Variants in KLHL31 observed in about 807,000 individuals in gnomAD.
The protein encoded by KLHL31 is kelch like family member 31.
A neutral mutation model predicts 47.1 loss-of-function variants in KLHL31; 32 were observed. The observed-to-expected ratio is 0.68, with a 90% CI of 0.51 to 0.91. KLHL31 has a LOEUF of 0.91. Ranked by LOEUF, KLHL31 falls within the 40% of genes least tolerant of loss-of-function variation. KLHL31 has a pLI of 0.00. For synonymous variants in KLHL31, 330 were observed against 325.1 expected, an observed-to-expected ratio of 1.01 and a Z score of -0.16; for missense variants, 797 against 819.3, an observed-to-expected ratio of 0.97 and a Z score of 0.33.
chr6:53,652,274 G>A lies in KLHL31; in HGVS notation c.1229C>T (p.Thr410Met). The change falls in exon 3 of 3, where the codon ACG becomes ATG. Residue 410 changes from threonine to methionine, a missense_variant. Physicochemically the swap from Thr to Met is moderately conservative, Grantham distance 81 (BLOSUM62 -1). Coordinates refer to ENST00000370905, the MANE Select transcript of KLHL31 (RefSeq NM_001003760.5). ...IHLASMNQKR[T>M]HFSLSVFNGL... ...GTTGAACACGCTCAGGCTGAAGTGCGTGCGCTTCTGGTTCATGCTGGCCAG... is the reference window on the plus strand; with the variant it reads ...GTTGAACACGCTCAGGCTGAAGTGCATGCGCTTCTGGTTCATGCTGGCCAG... The A allele has an allele frequency of 1.2e-6, 2 of 1,614,178 alleles. No individual in the cohort carries two copies. Among genetic ancestry groups the A allele is most frequent in the Non-Finnish European group, 1.7e-6 (2 of 1,180,052 alleles).
In KLHL31 at chr6:53,651,398, C is replaced by CAAAAAAAAAAAA. The variant is rs1764461363; in HGVS notation, c.*199_*200insTTTTTTTTTTTT. On this transcript the variant is annotated 3_prime_UTR_variant, in exon 3 of 3. Coordinates refer to ENST00000370905, the MANE Select transcript of KLHL31 (RefSeq NM_001003760.5). The stretch of plus-strand genomic sequence containing the variant: ...TTGTTGGCCATTGCCCTGTATTTTG[C>CAAAAAAAAAAAA]TAAAAAAAAAAAAAAAAAAAAGAGG... 1 of 64,632 alleles carries CAAAAAAAAAAAA rather than the reference C, an allele frequency of 1.5e-5. No individual in the cohort carries two copies. The highest frequency in any genetic ancestry group is 2.9e-4 in the East Asian group (1 of 3,460). 4.0% of individuals were successfully genotyped at this position (64,632 alleles called of 1,614,324 possible). A position where few individuals can be genotyped will look rare whatever the true frequency, so the allele number is the denominator to read the frequency against.
chr6:53,660,887 A>T (rs2209637), intron 1 of KLHL31, among the ~76,000 whole-genome samples: 151,144 of 152,342 alleles, frequency 0.99, 74,992 homozygotes, highest in Middle Eastern at 1. Flanking sequence ...TTCCTATGTA[A>T]ACTCATAAAT....
At position 53,649,504 on chromosome 6, in the gene KLHL31, C is replaced by G. The variant is rs2127366812; in HGVS notation, c.*2094G>C. On this transcript the variant is annotated 3_prime_UTR_variant, in exon 3 of 3. Coordinates refer to ENST00000370905, the MANE Select transcript of KLHL31 (RefSeq NM_001003760.5). ...AGAAAGCCACTGCCAAGTTTTTGCA[C>G]AACCTAATTTATCAAGCTTTGATAG... 1 of 152,260 alleles carries G rather than the reference C, an allele frequency of 6.6e-6. No homozygotes were observed. The highest frequency in any genetic ancestry group is 1.9e-4 in the East Asian group (1 of 5,186). The allele number at this position is 152,260 out of a possible 1,614,324, so 9.4% of individuals were successfully genotyped here.
chr6:53,653,322 A>G (rs974102298), intron 2 of KLHL31, among the ~76,000 whole-genome samples: 9 of 152,250 alleles, frequency 5.9e-5, no homozygotes, highest in African/African-American at 1.4e-4. Flanking sequence ...ATACACACAT[A>G]ATGGAATAAT....
intron 1 of KLHL31, among the ~76,000 whole-genome samples, chr6:53,662,705 A>C (rs952227671): frequency 3.0e-4 from 46 of 152,296 alleles, no homozygotes; most frequent in African/African-American, 9.9e-4. Flanking sequence ...TCCCCTCCCC[A>C]TGCCTACTGC....
chr6:53,651,765 ACTT>A lies in KLHL31; in HGVS notation c.1735_1737del (p.Lys579del), dbSNP rs751188513. On this transcript the variant is annotated inframe_deletion, in exon 3 of 3. Coordinates refer to ENST00000370905, the MANE Select transcript of KLHL31 (RefSeq NM_001003760.5). ...CTGAAGCACTGGATGCACTTCTTGTACTTCTTCTCGCCCTCGTTCCAGCCCCCC... is the reference window on the plus strand; with the variant it reads ...CTGAAGCACTGGATGCACTTCTTGTACTTCTCGCCCTCGTTCCAGCCCCCC... 47 of 1,613,834 alleles carry A rather than the reference ACTT, an allele frequency of 2.9e-5. No individual in the cohort carries two copies. The highest frequency in any genetic ancestry group is 3.6e-5 in the Non-Finnish European group (42 of 1,180,024).
intron 1 of KLHL31, 27 bp from the exon 2 acceptor site, chr6:53,655,332 T>A (rs1764545406): frequency 1.5e-5 from 18 of 1,217,942 alleles, no homozygotes; most frequent in Non-Finnish European, 1.9e-5. Flanking sequence ...AAAAACATGG[T>A]TTTGTTTTAA....
Position 53,652,203 on chromosome 6 carries a change from C to T in KLHL31, c.1300G>A (p.Ala434Thr). 5 of 1,612,894 alleles carry T rather than the reference C, an allele frequency of 3.1e-6. No homozygotes were observed. The highest frequency in any genetic ancestry group is 4.2e-6 in the Non-Finnish European group (5 of 1,180,026). ...GAGGGCACGTAGCACTCCAGCGAGG[C>T]CAGGCTTCCTTCTGCGTTGCGGCCG... ...AGGRNAEGSL[A>T]SLECYVPSTN... The change falls in exon 3 of 3, where the codon GCC becomes ACC. Residue 434 changes from alanine (A) to threonine (T), a missense_variant. Ala to Thr is a moderately conservative substitution (Grantham distance 58). Transcript: ENST00000370905.
Position 53,654,639 on chromosome 6 carries a change from T to A in KLHL31, c.634A>T (p.Thr212Ser), listed in dbSNP as rs769015160. The change falls in exon 2 of 3, where the codon ACA becomes TCA. Residue 212 changes from threonine (T) to serine (S), a missense_variant. By Grantham distance (58) the Thr-to-Ser change is moderately conservative. Coordinates refer to ENST00000370905, the MANE Select transcript of KLHL31 (RefSeq NM_001003760.5). ...FAESDQFMKL[T>S]FEQINELLID... The stretch of plus-strand genomic sequence containing the variant: ...AGAAGTTCATTAATTTGTTCAAATG[T>A]AAGTTTCATAAACTGATCCGATTCT... 1 of 1,614,186 alleles carries A rather than the reference T, an allele frequency of 6.2e-7. No individual in the cohort carries two copies. Among genetic ancestry groups the A allele is most frequent in the Non-Finnish European group, 8.5e-7 (1 of 1,180,008 alleles).
rs1342284551 is a variant in KLHL31, at chr6:53,650,523, T to A, written c.*1075A>T. ...ATTTATCAACAGGAGAACCCATTCA[T>A]CCAGTTACTACCAAATCTACAAATT... On this transcript the variant is annotated 3_prime_UTR_variant, in exon 3 of 3. Coordinates refer to ENST00000370905, the MANE Select transcript of KLHL31 (RefSeq NM_001003760.5). The A allele has an allele frequency of 6.6e-6, 1 of 152,256 alleles. No individual in the cohort carries two copies. The highest frequency in any genetic ancestry group is 1.5e-5 in the Non-Finnish European group (1 of 68,046). 9.4% of individuals were successfully genotyped at this position (152,256 alleles called of 1,614,324 possible).
chr6:53,654,766 A>G lies in KLHL31; in HGVS notation c.507T>C (p.Val169=), dbSNP rs775228580. The part of the protein sequence containing the change: ...CSDFLIREMS[V]ENCMYVVNIA... ...TATTAACAACATACATGCAATTCTCAACACTCATCTCCCGTATCAGAAAAT... is the reference window on the plus strand; with the variant it reads ...TATTAACAACATACATGCAATTCTCGACACTCATCTCCCGTATCAGAAAAT... The change falls in exon 2 of 3, where the codon GTT becomes GTC. Residue 169 remains valine, a synonymous_variant. Coordinates refer to ENST00000370905, the MANE Select transcript of KLHL31 (RefSeq NM_001003760.5). 6.2e-7 allele frequency: 1 copy of G among 1,614,130 alleles called. No homozygotes were observed. Among genetic ancestry groups the G allele is most frequent in the South Asian group, 1.1e-5 (1 of 91,078 alleles).
At chr6:53,655,347 G>T in intron 1 of KLHL31, 42 bp from the exon 2 acceptor site, 1 of 1,031,258 alleles carries the variant, frequency 9.7e-7, no homozygotes, top group East Asian at 2.6e-5. Context: ...TTTTAATTGT[G>T]CTTTAGACTT....
Position 53,654,769 on chromosome 6 carries a change from A to G in KLHL31, c.504T>C (p.Ser168=). 6.2e-7 allele frequency: 1 copy of G among 1,614,022 alleles called. No homozygotes were observed. The highest frequency in any genetic ancestry group is 1.3e-5 in the African/African-American group (1 of 74,984). Residue 168 remains serine, a synonymous_variant, in exon 2 of 3, where the codon AGT becomes AGC. Coordinates refer to ENST00000370905, the MANE Select transcript of KLHL31 (RefSeq NM_001003760.5). ...TAACAACATACATGCAATTCTCAAC[A>G]CTCATCTCCCGTATCAGAAAATCAC... is the stretch of plus-strand genomic sequence containing the variant. ...MCSDFLIREM[S]VENCMYVVNI...
chr6:53,653,416 T>C (rs1050588465), intron 2 of KLHL31, among the ~76,000 whole-genome samples: 2 of 152,238 alleles, frequency 1.3e-5, no homozygotes, highest in Non-Finnish European at 2.9e-5. Flanking sequence ...TACCATGATA[T>C]AAGCATGATT....
rs904371789 is a variant in KLHL31 at position 53,651,587 on chromosome 6, T to C, written c.*11A>G. The C allele has an allele frequency of 2.5e-6, 4 of 1,602,056 alleles. No individual in the cohort carries two copies. The South Asian group carries it at 3.3e-5, about 13-fold the overall frequency. On this transcript the variant is annotated 3_prime_UTR_variant, in exon 3 of 3. Coordinates refer to ENST00000370905, the MANE Select transcript of KLHL31 (RefSeq NM_001003760.5). ...AACGTGTTCTTCCTGCGTCCCTGCATCTACCTGGGCTCAGATACTGACTGG... is the reference window on the plus strand; with the variant it reads ...AACGTGTTCTTCCTGCGTCCCTGCACCTACCTGGGCTCAGATACTGACTGG...
At position 53,652,135 on chromosome 6, in the gene KLHL31, G is replaced by A. The variant is rs921893287; in HGVS notation, c.1368C>T (p.Arg456=). ...WQPKTPLEVA[R]CCHASAVADG... is the part of the protein sequence containing the mutation. ...CGGCGACCGCGCTAGCGTGGCAGCA[G>A]CGCGCCACCTCCAGGGGCGTCTTCG... is the stretch of plus-strand genomic sequence containing the variant. Residue 456 remains arginine (R), a synonymous_variant, in exon 3 of 3, where the codon CGC becomes CGT. Coordinates refer to ENST00000370905, the MANE Select transcript of KLHL31 (RefSeq NM_001003760.5). The A allele has an allele frequency of 6.2e-7, 1 of 1,602,568 alleles. No individual in the cohort carries two copies. The highest frequency in any genetic ancestry group is 8.5e-7 in the Non-Finnish European group (1 of 1,178,388).
rs1479170489 is a variant in KLHL31 at position 53,651,865 on chromosome 6, G to C, written c.1638C>G (p.Ser546Arg). 1.2e-6 allele frequency: 2 copies of C among 1,602,670 alleles called. No individual in the cohort carries two copies. The highest frequency in any genetic ancestry group is 1.1e-5 in the South Asian group (1 of 90,718). ...ECYSPATGQW[S>R]YAAPLQVGVS... is the part of the protein sequence containing the mutation. Reference sequence around the variant, plus strand: ...CTCCCACCTGCAGCGGCGCCGCGTAGCTCCACTGGCCGGTCGCGGGGCTGT... The same window carrying C: ...CTCCCACCTGCAGCGGCGCCGCGTACCTCCACTGGCCGGTCGCGGGGCTGT... Residue 546 changes from serine to arginine, a missense_variant, in exon 3 of 3, where the codon AGC becomes AGG. Physicochemically the swap from Ser to Arg is moderately radical, Grantham distance 110. Coordinates refer to ENST00000370905, the MANE Select transcript of KLHL31 (RefSeq NM_001003760.5).
At position 53,654,217 on chromosome 6, in the gene KLHL31, T is replaced by G; in HGVS notation, c.1056A>C (p.Pro352=). ...CCACACACTGATTAAAACTTTTGGC[T>G]GGCATTTCCGTAAGCTTGCTCCATC... is the stretch of plus-strand genomic sequence containing the variant. The part of the protein sequence containing the change: ...ENGWSKLTEM[P]AKSFNQCVAV... Residue 352 remains proline (P), a synonymous_variant, in exon 2 of 3, where the codon CCA becomes CCC. Coordinates refer to ENST00000370905, the MANE Select transcript of KLHL31 (RefSeq NM_001003760.5). 1 of 1,614,228 alleles carries G rather than the reference T, an allele frequency of 6.2e-7. No individual in the cohort carries two copies. The highest frequency in any genetic ancestry group is 1.6e-4 in the Middle Eastern group (1 of 6,062).
chr6:53,655,322 A>T lies in KLHL31; in HGVS notation c.-33-17T>A, dbSNP rs1764544947. The T allele has an allele frequency of 7.8e-7, 1 of 1,289,724 alleles. No homozygotes were observed. The highest frequency in any genetic ancestry group is 1.0e-6 in the Non-Finnish European group (1 of 954,396). 79.9% of individuals were successfully genotyped at this position (1,289,724 alleles called of 1,614,324 possible). On this transcript the variant is annotated splice_polypyrimidine_tract_variant and intron_variant, in intron 1 of 2. Coordinates refer to ENST00000370905, the MANE Select transcript of KLHL31 (RefSeq NM_001003760.5). ...AAGAGCTTGCTAAAAAGAGAAAAAA[A>T]AAAACATGGTTTTGTTTTAATTGTG...
Sources: gnomAD v4.1 joint callset for allele counts (sites outside exome capture counted in the v4.1 genomes callset) on GRCh38, gnomAD v4.1.1 for gene constraint, MANE v1.5 for transcripts, NCBI Gene and HGNC (gene_info 2026-07-23, HGNC 2026-07-21) for gene names.